Variants in ANKS1B observed in about 807,000 individuals in gnomAD.
ANKS1B encodes the protein ankyrin repeat and sterile alpha motif domain containing 1B.
ANKS1B carries 36 observed loss-of-function variants against 148.3 expected under a neutral mutation model. The observed-to-expected ratio is 0.24, with a 90% confidence interval of 0.19 to 0.32. ANKS1B has a LOEUF of 0.32. ANKS1B is among the 10% of genes least tolerant of loss of function. ANKS1B has a pLI of 1.00. For missense variants in ANKS1B, 1,157 were observed against 1,542.6 expected, an observed-to-expected ratio of 0.75 and a Z score of 4.19; for synonymous variants, 542 against 560.8, an observed-to-expected ratio of 0.97 and a Z score of 0.47.
chr12:99,575,560 T>C (rs1037614554), intron 9 of ANKS1B, among the ~76,000 whole-genome samples: 5 of 152,012 alleles, frequency 3.3e-5, no homozygotes, highest in African/African-American at 1.2e-4. Flanking sequence ...GGATGTCTTA[T>C]ATGGCAGCAG....
chr12:99,259,510 T>C (rs970198929), intron 12 of ANKS1B, among the ~76,000 whole-genome samples: 3 of 152,188 alleles, frequency 2.0e-5, no homozygotes, highest in Non-Finnish European at 4.4e-5. Context: ...ACCATGCTGT[T>C]TGACTCTGAT....
At chr12:99,536,731 A>C (rs558617101) in intron 9 of ANKS1B, among the ~76,000 whole-genome samples, 1 of 152,282 alleles carries the variant, frequency 6.6e-6, no homozygotes, top group African/African-American at 2.4e-5. Context: ...CGGGGTATCC[A>C]ATCCCTCAAG....
chr12:98,957,303 T>TA (rs2099863813), intron 17 of ANKS1B, among the ~76,000 whole-genome samples: 1 of 149,220 alleles, frequency 6.7e-6, no homozygotes, highest in Non-Finnish European at 1.5e-5. Context: ...CTCCAGGATT[T>TA]TTTTTAAATA....
intron 19 of ANKS1B, among the ~76,000 whole-genome samples, chr12:98,817,356 AG>A (rs1475552291): frequency 1.3e-5 from 2 of 152,266 alleles, no homozygotes; most frequent in African/African-American, 4.8e-5. Flanking sequence ...AGTGCAGTCA[AG>A]GGGTAACGCA....
intron 14 of ANKS1B, among the ~76,000 whole-genome samples, chr12:99,192,131 C>CAA (rs35767286): frequency 0.047 from 2,714 of 57,286 alleles, 484 homozygotes; most frequent in African/African-American, 0.068. Context: ...GACTCCATCT[C>CAA]AAAAAAAAAA....
chr12:99,131,418 A>G (rs2066046703), intron 15 of ANKS1B, among the ~76,000 whole-genome samples: 1 of 152,164 alleles, frequency 6.6e-6, no homozygotes, highest in Non-Finnish European at 1.5e-5. Context: ...TCACTCTTCA[A>G]ATTTCATGAC....
intron 3 of ANKS1B, among the ~76,000 whole-genome samples, chr12:99,810,530 A>G (rs914883737): frequency 6.6e-6 from 1 of 151,946 alleles, no homozygotes; most frequent in Admixed American, 6.6e-5. Flanking sequence ...CAATGAAAAA[A>G]TACTAAAATT....
At chr12:99,378,861 C>G (rs2152500075) in intron 12 of ANKS1B, among the ~76,000 whole-genome samples, 1 of 152,258 alleles carries the variant, frequency 6.6e-6, no homozygotes, top group Non-Finnish European at 1.5e-5. Flanking sequence ...GGCCAACTCT[C>G]AGAGAGTAGA....
intron 10 of ANKS1B, among the ~76,000 whole-genome samples, chr12:99,496,011 T>C (rs1181002986): frequency 6.6e-6 from 1 of 152,192 alleles, no homozygotes; most frequent in Admixed American, 6.6e-5. Context: ...CATTAGCAAA[T>C]TGAACAGAGG....
At chr12:99,012,863 G>A (rs555573746) in intron 17 of ANKS1B, among the ~76,000 whole-genome samples, 11 of 152,238 alleles carry the variant, frequency 7.2e-5, no homozygotes, top group African/African-American at 2.6e-4. Context: ...ATCAATTCTA[G>A]GATTATGAAG....
chr12:98,907,976 A>G (rs564272783), intron 17 of ANKS1B, among the ~76,000 whole-genome samples: 230 of 151,990 alleles, frequency 1.5e-3, no homozygotes, highest in African/African-American at 5.4e-3. Flanking sequence ...AGTCCATTAA[A>G]CCTCTTTTTC....
chr12:98,895,154 C>T (rs1596463506), intron 17 of ANKS1B: 2 of 985,236 alleles, frequency 2.0e-6, no homozygotes, highest in South Asian at 9.4e-5. Context: ...ACCCTCACTG[C>T]GAGAGCGATG....
chr12:99,648,660 T>C (rs1389640431), intron 9 of ANKS1B: 1 of 1,614,194 alleles, frequency 6.2e-7, no homozygotes. Context: ...GTGAAGACCT[T>C]TTTGTTCACT....
chr12:99,494,931 C>T (rs974251359), intron 10 of ANKS1B, among the ~76,000 whole-genome samples: 11 of 151,744 alleles, frequency 7.2e-5, no homozygotes, highest in Non-Finnish European at 8.8e-5. Flanking sequence ...CATTTAATCA[C>T]CTAATGAAGG....
At chr12:99,581,759 C>T (rs1282689144) in intron 9 of ANKS1B, among the ~76,000 whole-genome samples, 1 of 151,708 alleles carries the variant, frequency 6.6e-6, no homozygotes, top group Non-Finnish European at 1.5e-5. Context: ...GGCGCGGTGG[C>T]GGGCGCCTGT....
chr12:99,057,040 G>A (rs962175643), intron 16 of ANKS1B, among the ~76,000 whole-genome samples: 1 of 152,024 alleles, frequency 6.6e-6, no homozygotes, highest in Non-Finnish European at 1.5e-5. Flanking sequence ...TCCTCTTTCT[G>A]TTTACTATCA....
intron 17 of ANKS1B, among the ~76,000 whole-genome samples, chr12:99,051,165 T>C (rs1457048002): frequency 6.6e-6 from 1 of 152,140 alleles, no homozygotes. Flanking sequence ...AGGCCACAGG[T>C]ACCCCCGGCA....
intron 14 of ANKS1B, among the ~76,000 whole-genome samples, chr12:99,169,211 G>A (rs923805289): frequency 5.3e-5 from 8 of 152,132 alleles, no homozygotes; most frequent in Non-Finnish European, 1.0e-4. Flanking sequence ...TGTCCTTTGA[G>A]ATGAGAGAAA....
At chr12:99,129,702 A>AT (rs976596593) in intron 15 of ANKS1B, among the ~76,000 whole-genome samples, 9 of 152,232 alleles carry the variant, frequency 5.9e-5, no homozygotes, top group Non-Finnish European at 1.3e-4. Flanking sequence ...TAAAGTCTTT[A>AT]TATCTTGGAT....
Sources: allele counts gnomAD v4.1 joint callset (sites outside exome capture counted in the v4.1 genomes callset), GRCh38; gene constraint gnomAD v4.1.1; transcripts MANE v1.5; gene names NCBI Gene and HGNC (gene_info 2026-07-23, HGNC 2026-07-21).